Variants in ETV1 observed in about 807,000 individuals in gnomAD.
ETV1 encodes the protein ETS translocation variant 1.
ETV1 carries 27 observed loss-of-function variants against 62.3 expected under a neutral mutation model. The observed-to-expected ratio is 0.43, with a 90% CI of 0.32 to 0.60. The LOEUF is 0.60. ETV1 is among the 20% of genes least tolerant of loss of function. The probability of loss-of-function intolerance (pLI) is 0.06; values close to 1 mark genes in which losing one functional copy is unlikely to be tolerated. For missense variants in ETV1, 605 were observed against 605.8 expected, an observed-to-expected ratio of 1.00 and a Z score of 0.01; for synonymous variants, 222 against 199.6, an observed-to-expected ratio of 1.11 and a Z score of -0.94.
chr7:13,980,150 T>A (rs1781840640), intron 5 of ETV1, among the ~76,000 whole-genome samples: 1 of 152,162 alleles, frequency 6.6e-6, no homozygotes, highest in Admixed American at 6.6e-5. Flanking sequence ...ATGACTCACA[T>A]TTTCACAGAA....
chr7:13,924,855 A>G (rs1326423346), intron 9 of ETV1, among the ~76,000 whole-genome samples: 1 of 152,222 alleles, frequency 6.6e-6, no homozygotes, highest in African/African-American at 2.4e-5. Flanking sequence ...TTTCATGATA[A>G]CAGGATTTAG....
Position 13,989,329 on chromosome 7 carries a change from C to A in ETV1, c.-149G>T. 1 of 502,288 alleles carries A rather than the reference C, an allele frequency of 2.0e-6. No individual in the cohort carries two copies. The highest frequency in any genetic ancestry group is 3.4e-5 in the South Asian group (1 of 29,098). The allele number at this position is 502,288 out of a possible 1,614,324, so 31.1% of individuals were successfully genotyped here. On this transcript the variant is annotated 5_prime_UTR_variant, in exon 2 of 14. Transcript: ENST00000430479. ...CATATTTTCGGTAGTAGCAAAAATC[C>A]GAACAAGAGGCGATGTATTTATTTA...
chr7:13,979,829 G>T (rs528720335), intron 5 of ETV1, among the ~76,000 whole-genome samples: 10 of 152,050 alleles, frequency 6.6e-5, no homozygotes, highest in Non-Finnish European at 1.3e-4. Context: ...ATGTTCTAAA[G>T]GTCTTTTGTT....
chr7:13,976,607 C>T (rs1405221659), intron 6 of ETV1, among the ~76,000 whole-genome samples: 2 of 152,066 alleles, frequency 1.3e-5, no homozygotes, highest in East Asian at 3.8e-4. Flanking sequence ...ATGCATTAGG[C>T]CAGTTTCATA....
At position 13,892,058 on chromosome 7, in the gene ETV1, A is replaced by T. The variant is rs1781420570; in HGVS notation, c.*3808T>A. ...ATATATTTCTTTCCTGGTTATATAAAGATAAGTTGACTCATTTTGCAATTG... is the reference window on the plus strand; with the variant it reads ...ATATATTTCTTTCCTGGTTATATAATGATAAGTTGACTCATTTTGCAATTG... On this transcript the variant is annotated 3_prime_UTR_variant, in exon 14 of 14. Coordinates refer to ENST00000430479, the MANE Select transcript of ETV1 (RefSeq NM_004956.5). 4.3e-6 allele frequency: 1 copy of T among 232,102 alleles called. No homozygotes were observed. Among genetic ancestry groups the T allele is most frequent in the Non-Finnish European group, 8.5e-6 (1 of 117,496 alleles). 14.4% of individuals were successfully genotyped at this position (232,102 alleles called of 1,614,324 possible).
intron 6 of ETV1, among the ~76,000 whole-genome samples, chr7:13,962,418 C>T (rs10226058): frequency 0.15 from 22,596 of 151,942 alleles, 2,595 homozygotes; most frequent in African/African-American, 0.32. Context: ...AGATAAATCT[C>T]ATCACGTTTA....
intron 12 of ETV1, among the ~76,000 whole-genome samples, chr7:13,902,586 C>A (rs1782552039): frequency 6.6e-6 from 1 of 152,082 alleles, no homozygotes; most frequent in African/African-American, 2.4e-5. Flanking sequence ...ATTCAAAAAC[C>A]TAACTATGGA....
intron 6 of ETV1, among the ~76,000 whole-genome samples, chr7:13,971,394 G>A (rs1341522271): frequency 6.6e-6 from 1 of 152,138 alleles, no homozygotes; most frequent in Non-Finnish European, 1.5e-5. Context: ...CCCACACAAG[G>A]GTCTGTCTGG....
chr7:13,947,361 A>T (rs897310851), intron 6 of ETV1, among the ~76,000 whole-genome samples: 1 of 137,898 alleles, frequency 7.3e-6, no homozygotes, highest in Admixed American at 7.9e-5. Context: ...GAAAATACTA[A>T]TTGTAATCCT....
At position 13,896,021 on chromosome 7, in the gene ETV1, G is replaced by T. The variant is rs778635083; in HGVS notation, c.1279C>A (p.Pro427Thr). 1 of 1,613,808 alleles carries T rather than the reference G, an allele frequency of 6.2e-7. No individual in the cohort carries two copies. The highest frequency in any genetic ancestry group is 2.2e-5 in the East Asian group (1 of 44,864). ...DPEALFSMAF[P>T]DNQRPLLKTD... ...TTCAGCAGTGGACGCTGATTATCTG[G>T]AAAGGCCATGGAGAAAAGGGCTTCT... is the stretch of plus-strand genomic sequence containing the variant. Residue 427 changes from proline to threonine, a missense_variant, in exon 14 of 14, where the codon CCA (proline) becomes ACA (threonine). By Grantham distance (38) the Pro-to-Thr change is conservative. Coordinates refer to ENST00000430479, the MANE Select transcript of ETV1 (RefSeq NM_004956.5).
In ETV1 at chr7:13,892,790, C is replaced by G. The variant is rs74533134; in HGVS notation, c.*3076G>C. The stretch of plus-strand genomic sequence containing the variant: ...GAGATTGAAGTGATGTAGCCAGGAG[C>G]CAAGGAATGTCAGCAGACTCTAGAA... On this transcript the variant is annotated 3_prime_UTR_variant, in exon 14 of 14. Coordinates refer to ENST00000430479, the MANE Select transcript of ETV1 (RefSeq NM_004956.5). The G allele has an allele frequency of 0.021, 4,897 of 232,292 alleles. 69 individuals are homozygous for G. The highest frequency in any genetic ancestry group is 0.058 in the Middle Eastern group (45 of 778). The allele number at this position is 232,292 out of a possible 1,614,324, so 14.4% of individuals were successfully genotyped here.
intron 4 of ETV1, 27 bp from the exon 5 acceptor site, chr7:13,986,712 A>G (rs371800767): frequency 1.9e-5 from 29 of 1,548,982 alleles, no homozygotes; most frequent in Non-Finnish European, 2.5e-5. Flanking sequence ...AGACATAAAC[A>G]TAAGATTTGC....
At chr7:13,910,834 G>T (rs969686459) in intron 10 of ETV1, among the ~76,000 whole-genome samples, 1 of 152,072 alleles carries the variant, frequency 6.6e-6, no homozygotes, top group Non-Finnish European at 1.5e-5. Context: ...ATAAAATCCA[G>T]AACATTTAAA....
intron 9 of ETV1, among the ~76,000 whole-genome samples, chr7:13,916,418 G>A (rs907747910): frequency 3.9e-5 from 6 of 152,196 alleles, no homozygotes; most frequent in African/African-American, 9.6e-5. Context: ...TGGGCGGATC[G>A]CCTGAGGTCA....
intron 9 of ETV1, among the ~76,000 whole-genome samples, chr7:13,919,930 ATC>A (rs1784642932): frequency 6.6e-6 from 1 of 152,104 alleles, no homozygotes; most frequent in South Asian, 2.1e-4. Flanking sequence ...CCAAACATGT[ATC>A]TTTAAACTGT....
intron 6 of ETV1, 64 bp downstream of exon 6, chr7:13,977,363 G>T (rs1583874826): frequency 1.6e-5 from 19 of 1,151,960 alleles, no homozygotes; most frequent in Non-Finnish European, 2.2e-5. Flanking sequence ...CAACCAAAGA[G>T]AAAGAAGAAA....
intron 3 of ETV1, 89 bp from the exon 4 acceptor site, chr7:13,988,262 ATG>A: frequency 3.9e-6 from 3 of 771,868 alleles, no homozygotes; most frequent in South Asian, 1.5e-5. Flanking sequence ...ACACACAGAC[ATG>A]CATACATAAG....
At chr7:13,944,979 T>C (rs1787988719) in intron 6 of ETV1, among the ~76,000 whole-genome samples, 1 of 152,076 alleles carries the variant, frequency 6.6e-6, no homozygotes, top group South Asian at 2.1e-4. Flanking sequence ...TACCAGAAGC[T>C]AGGGAAGAGG....
intron 9 of ETV1, among the ~76,000 whole-genome samples, chr7:13,929,938 C>T (rs1340195598): frequency 2.0e-5 from 3 of 152,172 alleles, no homozygotes; most frequent in Non-Finnish European, 2.9e-5. Flanking sequence ...TATACGCAAA[C>T]TGGTAACTCA....
Sources: gnomAD v4.1 joint callset for allele counts (sites outside exome capture counted in the v4.1 genomes callset) on GRCh38, gnomAD v4.1.1 for gene constraint, MANE v1.5 for transcripts, NCBI Gene and HGNC (gene_info 2026-07-23, HGNC 2026-07-21) for gene names.